ATP1A1: variants seen among roughly 807,000 people sequenced by gnomAD.
ATP1A1 encodes the protein sodium/potassium-transporting ATPase subunit alpha-1.
Under a neutral mutation model 114.8 loss-of-function variants are expected in ATP1A1, and 14 were observed. That is an observed-to-expected ratio of 0.12 (90% CI 0.08 to 0.19). The LOEUF (loss-of-function observed/expected upper bound fraction) is 0.19, where lower values mean the gene tolerates loss of function less well. Among genes scored for constraint, ATP1A1 ranks in the 10% least tolerant of loss-of-function variants. ATP1A1 has a pLI of 1.00. For missense variants in ATP1A1, 524 were observed against 1,290.7 expected (o/e 0.41, Z 9.10); for synonymous variants, 471 against 466.3 (o/e 1.01, Z -0.13).
At position 116,384,370 on chromosome 1, in the gene ATP1A1, C is replaced by T. The variant is rs1286953432; in HGVS notation, c.123+246C>T. On this transcript the variant is annotated intron_variant, in intron 2 of 22. Coordinates refer to ENST00000295598, the MANE Select transcript of ATP1A1 (RefSeq NM_000701.8). This position sits in a 1 kb window ranked among gnomAD's most constrained non-coding sequence, Gnocchi z 5.1. ...ATAACAGAAGGAACTTAGGTTGATA[C>T]CATGAGTCTTTGCTTTTCTCTGTAT... Among the ~76,000 whole-genome samples the T allele has an allele frequency of 6.6e-6, 1 of 152,166 alleles. No homozygotes were observed. Among genetic ancestry groups the T allele is most frequent in the African/African-American group, 2.4e-5 (1 of 41,430 alleles).
rs1229939140 is a variant in ATP1A1, at chr1:116,384,679, CTTTG to C, written c.124-100_124-97del. 6 of 1,047,960 alleles carry C rather than the reference CTTTG, an allele frequency of 5.7e-6. No individual in the cohort carries two copies. The Admixed American group carries it at 8.0e-5, about 14-fold the overall frequency. 64.9% of individuals were successfully genotyped at this position (1,047,960 alleles called of 1,614,324 possible). On this transcript the variant is annotated intron_variant, in intron 2 of 22. Coordinates refer to ENST00000295598, the MANE Select transcript of ATP1A1 (RefSeq NM_000701.8). This position sits in a 1 kb window ranked among gnomAD's most constrained non-coding sequence, Gnocchi z 5.1. Reference sequence around the variant, plus strand: ...TTATGCACTGAAGAAAACATCTGCACTTTGTTTAATAAGCTTAATGATAGTAATG... The same window carrying C: ...TTATGCACTGAAGAAAACATCTGCACTTTAATAAGCTTAATGATAGTAATG...
In ATP1A1 at chr1:116,401,523, T is replaced by C. The variant is rs750432903; in HGVS notation, c.2850-31T>C. The stretch of plus-strand genomic sequence containing the variant: ...GAAGATAAACCTTTATTTGCACCTT[T>C]TAAGTTTTTTCTCCCCTACTTTGAT... On this transcript the variant is annotated intron_variant, in intron 20 of 22. Transcript: ENST00000295598. This position sits in a 1 kb window ranked among gnomAD's most constrained non-coding sequence, Gnocchi z 4.7. 1 of 1,606,344 alleles carries C rather than the reference T, an allele frequency of 6.2e-7. No homozygotes were observed. Among genetic ancestry groups the C allele is most frequent in the Non-Finnish European group, 8.5e-7 (1 of 1,173,182 alleles).
rs764823332 is a variant in ATP1A1, at chr1:116,402,098, A to G, written c.2951+443A>G. ...CTCTGAATACTCTGCTCTCAAAGAA[A>G]GAAGGTTGGAGAAACAGATCTGAGG... On this transcript the variant is annotated intron_variant, in intron 21 of 22. Coordinates refer to ENST00000295598, the MANE Select transcript of ATP1A1 (RefSeq NM_000701.8). The G allele has an allele frequency of 6.8e-5, 11 of 161,898 alleles. 1 individual carries two copies. The South Asian group carries it at 1.1e-3, about 16-fold the overall frequency. 10.0% of individuals were successfully genotyped at this position (161,898 alleles called of 1,614,324 possible).
rs1194998549 is a variant in ATP1A1 at position 116,396,719 on chromosome 1, G to C, written c.1958G>C (p.Ser653Thr). 3.8e-6 allele frequency: 6 copies of C among 1,587,822 alleles called. No homozygotes were observed. The highest frequency in any genetic ancestry group is 8.6e-7 in the Non-Finnish European group (1 of 1,163,770). The change falls in exon 14 of 23, where the codon AGC becomes ACC. Residue 653 changes from serine to threonine, a missense_variant. By Grantham distance (58) the Ser-to-Thr change is moderately conservative. Around this residue, in one of 8 missense-constraint regions of ATP1A1, gnomAD observed 47 missense variants for 79.8 expected, o/e 0.59. Transcript: ENST00000295598. ...GCTGCCCGCCTCAACATCCCAGTCA[G>C]CCAGGTGAACCCCAGGTAAGGCAGG... ...DIAARLNIPV[S>T]QVNPRDAKAC...
In ATP1A1 at chr1:116,382,790, G is replaced by A. The variant is rs187918723; in HGVS notation, c.13-1224G>A. Among the ~76,000 whole-genome samples the A allele has an allele frequency of 8.5e-5, 13 of 152,234 alleles. 1 individual carries two copies. Among genetic ancestry groups the A allele is most frequent in the East Asian group, 5.8e-4 (3 of 5,192 alleles). On this transcript the variant is annotated intron_variant, in intron 1 of 22. Coordinates refer to ENST00000295598, the MANE Select transcript of ATP1A1 (RefSeq NM_000701.8). ...CACAGTGAAATTATAATCTGGACAC[G>A]AGTTCCTAATTATTGCTTTAGTAGC...
At chr1:116,394,942 C>T (rs908429273) in intron 12 of ATP1A1, among the ~76,000 whole-genome samples, 168 bp from the exon 13 acceptor site, 6 of 152,060 alleles carry the variant, frequency 3.9e-5, no homozygotes, top group Non-Finnish European at 7.4e-5. Context: ...GTGACTCTAT[C>T]GTTCATAAAT....
rs755573038 is a variant in ATP1A1, at chr1:116,384,764, T to C, written c.124-19T>C. On this transcript the variant is annotated intron_variant, in intron 2 of 22. Transcript: ENST00000295598. The surrounding 1 kb of genome is among the most constrained non-coding windows in gnomAD (Gnocchi z 5.1). ...TACTACACTGTTTAACTATTTTCTT[T>C]GTTTCTGTTTTCCCTTAGGATGATC... 8.8e-6 allele frequency: 14 copies of C among 1,596,192 alleles called. No individual in the cohort carries two copies. In the Admixed American group the frequency reaches 2.3e-4, roughly 26 times the overall value.
chr1:116,389,838 C>A lies in ATP1A1; in HGVS notation c.1023+131C>A. 1 of 1,311,714 alleles carries A rather than the reference C, an allele frequency of 7.6e-7. No homozygotes were observed. Among genetic ancestry groups the A allele is most frequent in the Non-Finnish European group, 1.0e-6 (1 of 972,540 alleles). The allele number at this position is 1,311,714 out of a possible 1,614,324, so 81.3% of individuals were successfully genotyped here. ...TGTTTGATATAGTTCTTCTTGAGAG[C>A]CACATCACGTGGTGAATTTTGACAG... On this transcript the variant is annotated intron_variant, in intron 8 of 22. Transcript: ENST00000295598. The surrounding 1 kb of genome is among the most constrained non-coding windows in gnomAD (Gnocchi z 6.9).
At chr1:116,374,722 A>G (rs539663226) in intron 1 of ATP1A1, among the ~76,000 whole-genome samples, 1 of 152,342 alleles carries the variant, frequency 6.6e-6, no homozygotes, top group East Asian at 1.9e-4. Context: ...TCATGAGAAT[A>G]CAAATGGGAG....
In ATP1A1 at chr1:116,401,086, GCAGGTGAAGAGC is replaced by G; in HGVS notation, c.2719-40_2719-29del. 1 of 1,612,676 alleles carries G rather than the reference GCAGGTGAAGAGC, an allele frequency of 6.2e-7. No individual in the cohort carries two copies. Among genetic ancestry groups the G allele is most frequent in the Non-Finnish European group, 8.5e-7 (1 of 1,178,688 alleles). On this transcript the variant is annotated intron_variant, in intron 19 of 22. Coordinates refer to ENST00000295598, the MANE Select transcript of ATP1A1 (RefSeq NM_000701.8). The surrounding 1 kb of genome is among the most constrained non-coding windows in gnomAD (Gnocchi z 4.7). Reference sequence around the variant, plus strand: ...CTGAGGCCACACTGCCACCAGCCATGCAGGTGAAGAGCCAGAGCTCATCTTCTGTCTTCTGCA... The same window carrying G: ...CTGAGGCCACACTGCCACCAGCCATGCAGAGCTCATCTTCTGTCTTCTGCA...
chr1:116,387,515 G>T lies in ATP1A1; in HGVS notation c.387+24G>T. 6.2e-7 allele frequency: 1 copy of T among 1,611,516 alleles called. No individual in the cohort carries two copies. Among genetic ancestry groups the T allele is most frequent in the South Asian group, 1.1e-5 (1 of 91,010 alleles). On this transcript the variant is annotated intron_variant, in intron 4 of 22. Coordinates refer to ENST00000295598, the MANE Select transcript of ATP1A1 (RefSeq NM_000701.8). This position sits in a 1 kb window ranked among gnomAD's most constrained non-coding sequence, Gnocchi z 6.7. ...ATGTGAGTTCTGTAATTCAGCATAT[G>T]GATTTGTAGTACACATCAGATATCT... is the stretch of plus-strand genomic sequence containing the variant.
chr1:116,397,896 A>G lies in ATP1A1; in HGVS notation c.1982A>G (p.Lys661Arg), dbSNP rs1490776856. 1 of 1,604,648 alleles carries G rather than the reference A, an allele frequency of 6.2e-7. No individual in the cohort carries two copies. ...PVSQVNPRDAKACVVHGSDLK... is the reference protein window; with the variant it reads ...PVSQVNPRDARACVVHGSDLK... ...TTTTGTCCTAATTCTAGGGATGCCA[A>G]GGCCTGCGTAGTACACGGCAGTGAT... Residue 661 changes from lysine to arginine, a missense_variant, in exon 15 of 23, where the codon AAG (lysine) becomes AGG (arginine). This residue lies in a region of ATP1A1 where 47 missense variants were observed against 79.8 expected (regional missense o/e 0.59). Coordinates refer to ENST00000295598, the MANE Select transcript of ATP1A1 (RefSeq NM_000701.8). The surrounding 1 kb of genome is among the most constrained non-coding windows in gnomAD (Gnocchi z 4.2).
chr1:116,397,992 C>T lies in ATP1A1; in HGVS notation c.2078C>T (p.Thr693Ile). ...CACACTGAGATAGTGTTTGCCAGGA[C>T]CTCCCCTCAGCAGAAGCTCATCATT... ...KYHTEIVFAR[T>I]SPQQKLIIVE... The change falls in exon 15 of 23, where the codon ACC becomes ATC. Residue 693 changes from threonine (T) to isoleucine (I), a missense_variant. Thr to Ile is a moderately conservative substitution (Grantham distance 89, BLOSUM62 -1). Around this residue, in one of 8 missense-constraint regions of ATP1A1, gnomAD observed 47 missense variants for 79.8 expected, o/e 0.59. Transcript: ENST00000295598. This position sits in a 1 kb window ranked among gnomAD's most constrained non-coding sequence, Gnocchi z 4.2. 6.2e-7 allele frequency: 1 copy of T among 1,613,952 alleles called. No homozygotes were observed. The highest frequency in any genetic ancestry group is 8.5e-7 in the Non-Finnish European group (1 of 1,180,010).
At chr1:116,376,791 A>C (rs1217107178) in intron 1 of ATP1A1, among the ~76,000 whole-genome samples, 2 of 152,210 alleles carry the variant, frequency 1.3e-5, no homozygotes. Context: ...CAAAACAAAA[A>C]AACAAAAAAA....
rs1349284934 is a variant in ATP1A1, at chr1:116,393,228, T to C, written c.1467+240T>C. On this transcript the variant is annotated intron_variant, in intron 11 of 22. Transcript: ENST00000295598. The surrounding 1 kb of genome is among the most constrained non-coding windows in gnomAD (Gnocchi z 5.0). ...TTGTGGTTTGGGGTGGGTGTGGGCA[T>C]GTGGGGAGGTGGCTGGAGGTATGTG... 1.3e-5 allele frequency among the ~76,000 whole-genome samples: 2 copies of C among 150,766 alleles called. No homozygotes were observed. Among genetic ancestry groups the C allele is most frequent in the African/African-American group, 2.5e-5 (1 of 40,142 alleles).
intron 10 of ATP1A1, 46 bp downstream of exon 10, chr1:116,390,937 G>A: frequency 6.6e-7 from 1 of 1,521,364 alleles, no homozygotes; most frequent in South Asian, 1.1e-5. Flanking sequence ...CAGCACATGA[G>A]AACTGCCATT....
Position 116,398,537 on chromosome 1 carries a change from G to A in ATP1A1, c.2125-84G>A. 1 of 1,498,940 alleles carries A rather than the reference G, an allele frequency of 6.7e-7. No individual in the cohort carries two copies. The allele number at this position is 1,498,940 out of a possible 1,614,324, so 92.9% of individuals were successfully genotyped here. On this transcript the variant is annotated intron_variant, in intron 15 of 22. Coordinates refer to ENST00000295598, the MANE Select transcript of ATP1A1 (RefSeq NM_000701.8). This position sits in a 1 kb window ranked among gnomAD's most constrained non-coding sequence, Gnocchi z 6.1. The stretch of plus-strand genomic sequence containing the variant: ...AGGAAAGGAGCAGTGTCTGTAATGA[G>A]TGCTCAGTGGGGGCATGCATCGCAC...
intron 1 of ATP1A1, among the ~76,000 whole-genome samples, chr1:116,377,353 A>G (rs1310938704): frequency 6.6e-6 from 1 of 152,176 alleles, no homozygotes; most frequent in Non-Finnish European, 1.5e-5. Flanking sequence ...ATCTTTACAG[A>G]CTGGGTTTGT....
At chr1:116,403,616 T>C (rs552338185) in intron 21 of ATP1A1, among the ~76,000 whole-genome samples, 6 of 152,256 alleles carry the variant, frequency 3.9e-5, no homozygotes, top group Admixed American at 2.0e-4. Flanking sequence ...CCAAGTCTTA[T>C]GAAATCCAAA....
Sources: allele counts gnomAD v4.1 joint callset (sites outside exome capture counted in the v4.1 genomes callset), GRCh38; gene constraint gnomAD v4.1.1; regional missense constraint gnomAD v4.1.1; non-coding constraint Gnocchi (gnomAD v3.1); transcripts MANE v1.5; gene names NCBI Gene and HGNC (gene_info 2026-07-23, HGNC 2026-07-21).